EEPD1: variants seen among roughly 807,000 people sequenced by gnomAD.
The protein encoded by EEPD1 is endonuclease/exonuclease/phosphatase family domain-containing protein 1.
In EEPD1, 17 loss-of-function variants were observed where a neutral mutation model predicts 46.3. The observed-to-expected ratio is 0.37, with a 90% CI of 0.25 to 0.55. The LOEUF (loss-of-function observed/expected upper bound fraction) is 0.55, where lower values mean the gene tolerates loss of function less well. Among genes scored for constraint, EEPD1 ranks in the 20% least tolerant of loss-of-function variants. EEPD1 has a pLI of 0.83. For synonymous variants in EEPD1, 313 were observed against 315.6 expected (o/e 0.99, Z 0.09); for missense variants, 673 against 745.6 (o/e 0.90, Z 1.13).
intron 2 of EEPD1, among the ~76,000 whole-genome samples, chr7:36,215,808 C>T (rs2115734705): frequency 6.6e-6 from 1 of 152,278 alleles, no homozygotes; most frequent in Non-Finnish European, 1.5e-5. Context: ...GACCCTGCTC[C>T]CCTTCTGGAA....
intron 2 of EEPD1, among the ~76,000 whole-genome samples, chr7:36,238,783 A>G (rs1190331087): frequency 6.6e-6 from 1 of 152,208 alleles, no homozygotes; most frequent in African/African-American, 2.4e-5. Flanking sequence ...ATCATATGGT[A>G]AAAATTACTT....
In EEPD1 at chr7:36,184,912, G is replaced by A. The variant is rs548980755; in HGVS notation, c.878+29710G>A. Among the ~76,000 whole-genome samples, 7 of 152,180 alleles carry A rather than the reference G, an allele frequency of 4.6e-5. No homozygotes were observed. The South Asian group carries it at 1.5e-3, about 32-fold the overall frequency. On this transcript the variant is annotated intron_variant, in intron 2 of 7. Coordinates refer to ENST00000242108, the MANE Select transcript of EEPD1 (RefSeq NM_030636.3). The stretch of plus-strand genomic sequence containing the variant: ...TACCTGGCTAATTTTTGGATTTTTA[G>A]TAGAGATAAGGTTTCACTGTGTTGG...
chr7:36,293,757 A>C (rs954915868), intron 6 of EEPD1, among the ~76,000 whole-genome samples: 1 of 152,192 alleles, frequency 6.6e-6, no homozygotes, highest in Non-Finnish European at 1.5e-5. Flanking sequence ...TGAGGTCAGG[A>C]GTTCAAGACT....
chr7:36,295,846 C>T (rs1038098298), intron 6 of EEPD1, among the ~76,000 whole-genome samples: 1 of 152,000 alleles, frequency 6.6e-6, no homozygotes, highest in African/African-American at 2.4e-5. Context: ...GCCTGGCCAA[C>T]ATGGTTAAGC....
chr7:36,238,736 A>G (rs543060967), intron 2 of EEPD1, among the ~76,000 whole-genome samples: 45 of 152,292 alleles, frequency 3.0e-4, no homozygotes, highest in Admixed American at 4.6e-4. Context: ...CCTGCTTTCA[A>G]TTCTTTTGGG....
At chr7:36,190,869 G>A (rs780691835) in intron 2 of EEPD1, among the ~76,000 whole-genome samples, 17 of 152,340 alleles carry the variant, frequency 1.1e-4, no homozygotes, top group Non-Finnish European at 2.5e-4. Context: ...CCTGGGATGT[G>A]TCTCAGGACA....
intron 2 of EEPD1, among the ~76,000 whole-genome samples, chr7:36,182,388 C>T (rs1199347271): frequency 1.3e-5 from 2 of 152,194 alleles, no homozygotes; most frequent in East Asian, 3.8e-4. Context: ...ATGGTGGGGG[C>T]ACGGGGAGGG....
intron 3 of EEPD1, among the ~76,000 whole-genome samples, chr7:36,248,466 C>T (rs1038741800): frequency 1.3e-5 from 2 of 151,166 alleles, no homozygotes; most frequent in African/African-American, 4.9e-5. Context: ...CTCGGCCTCC[C>T]AAAGTGCTGG....
rs1341203087 is a variant in EEPD1 at position 36,219,806 on chromosome 7, A to AGAGTGTGTGTGTGT, written c.879-19178_879-19177insAGTGTGTGTGTGTG. Among the ~76,000 whole-genome samples the AGAGTGTGTGTGTGT allele has an allele frequency of 2.4e-3, 180 of 75,428 alleles. 1 individual carries two copies. Among genetic ancestry groups the AGAGTGTGTGTGTGT allele is most frequent in the Admixed American group, 3.1e-3 (18 of 5,856 alleles). The allele number at this position is 75,428 out of a possible 152,430, so 49.5% of individuals were successfully genotyped here. A position where few individuals can be genotyped will look rare whatever the true frequency, so the allele number is the denominator to read the frequency against. ...GAGAGAGAGAGAGAGAGAGAGAGAG[A>AGAGTGTGTGTGTGT]GTGTGTGTGTGTGTGTGTGTGTGTG... On this transcript the variant is annotated intron_variant, in intron 2 of 7. Transcript: ENST00000242108.
Position 36,287,652 on chromosome 7 carries a change from A to T in EEPD1, c.1190A>T (p.Asp397Val). 1.9e-6 allele frequency: 3 copies of T among 1,613,950 alleles called. No individual in the cohort carries two copies. Reference sequence around the variant, plus strand: ...CCTGCTGCCTAGGTGGGAAGTCACGACCTGACCCTTGTTAACCTTCACCTG... The same window carrying T: ...CCTGCTGCCTAGGTGGGAAGTCACGTCCTGACCCTTGTTAACCTTCACCTG... ...YLGRFKVGSH[D>V]LTLVNLHLAA... The change falls in exon 6 of 8, where the codon GAC becomes GTC. Residue 397 changes from aspartate to valine, a missense_variant. Transcript: ENST00000242108.
intron 3 of EEPD1, among the ~76,000 whole-genome samples, chr7:36,249,076 T>C (rs529814599): frequency 2.0e-5 from 3 of 150,290 alleles, no homozygotes; most frequent in African/African-American, 7.3e-5. Flanking sequence ...AGATATCAGG[T>C]ATATTCAGGG....
At position 36,299,101 on chromosome 7, in the gene EEPD1, A is replaced by G; in HGVS notation, c.1605A>G (p.Leu535=). ...GGVASEHCPV[L]AEFYTEKDWS... ...TGGCTTCTGAACACTGCCCAGTGCT[A>G]GCCGAGTTCTACACTGAAAAGGACT... The change falls in exon 8 of 8, where the codon CTA becomes CTG. Residue 535 remains leucine (L), a synonymous_variant. Transcript: ENST00000242108. The G allele has an allele frequency of 1.3e-6, 2 of 1,559,522 alleles. No individual in the cohort carries two copies. The highest frequency in any genetic ancestry group is 1.7e-6 in the Non-Finnish European group (2 of 1,155,024).
chr7:36,283,308 G>C (rs1208670817), intron 4 of EEPD1, among the ~76,000 whole-genome samples: 1 of 152,218 alleles, frequency 6.6e-6, no homozygotes, highest in Non-Finnish European at 1.5e-5. Flanking sequence ...GCAGGGAAGT[G>C]GGGGTGGGGA....
chr7:36,189,223 G>A (rs745547938), intron 2 of EEPD1, among the ~76,000 whole-genome samples: 2 of 152,148 alleles, frequency 1.3e-5, no homozygotes, highest in Admixed American at 6.5e-5. Context: ...ACACAGGGTG[G>A]TCCCCAAAAA....
At chr7:36,238,954 T>C in intron 2 of EEPD1, 31 bp from the exon 3 acceptor site, 1 of 1,598,060 alleles carries the variant, frequency 6.3e-7, no homozygotes, top group Non-Finnish European at 8.5e-7. Flanking sequence ...TGATTTGTTT[T>C]CAAGTGTGGT....
chr7:36,282,662 A>C (rs1787278959), intron 4 of EEPD1, among the ~76,000 whole-genome samples: 1 of 152,222 alleles, frequency 6.6e-6, no homozygotes, highest in Admixed American at 6.5e-5. Flanking sequence ...ATAGGATTTT[A>C]AAAGATACTA....
chr7:36,270,928 A>C (rs1787092333), intron 3 of EEPD1, among the ~76,000 whole-genome samples: 1 of 152,146 alleles, frequency 6.6e-6, no homozygotes, highest in Non-Finnish European at 1.5e-5. Context: ...CCAAGTGTAA[A>C]AGCGTTCCTA....
chr7:36,239,540 T>C (rs1786518121), intron 3 of EEPD1, among the ~76,000 whole-genome samples: 1 of 152,124 alleles, frequency 6.6e-6, no homozygotes, highest in Non-Finnish European at 1.5e-5. Flanking sequence ...TATTCAGTAG[T>C]CAAGTTCATG....
At chr7:36,287,280 C>T (rs1240470581) in intron 5 of EEPD1, among the ~76,000 whole-genome samples, 3 of 140,984 alleles carry the variant, frequency 2.1e-5, no homozygotes, top group Non-Finnish European at 4.5e-5. Flanking sequence ...GAGTTACAGG[C>T]ATAAGCCACC....
Sources: allele counts gnomAD v4.1 joint callset (sites outside exome capture counted in the v4.1 genomes callset), GRCh38; gene constraint gnomAD v4.1.1; transcripts MANE v1.5; gene names NCBI Gene and HGNC (gene_info 2026-07-23, HGNC 2026-07-21).